Variants in TBL1X observed in about 807,000 individuals in gnomAD.
TBL1X encodes transducin beta like 1 X-linked, also known as F-box-like/WD repeat-containing protein TBL1X.
Under a neutral mutation model 50.7 loss-of-function variants are expected in TBL1X, and 10 were observed. That is an observed-to-expected ratio of 0.20 (90% CI 0.12 to 0.33). The LOEUF is 0.33. Among genes scored for constraint, TBL1X ranks in the 10% least tolerant of loss-of-function variants. The pLI is 1.00. For synonymous variants in TBL1X, 190 were observed against 214.7 expected (o/e 0.88, Z 1.01); for missense variants, 340 against 504.4 (o/e 0.67, Z 3.12).
chrX:9,682,308 G>A (rs2083029957), intron 5 of TBL1X, among the ~76,000 whole-genome samples: 1 of 112,021 alleles, frequency 8.9e-6, no homozygotes, highest in African/African-American at 3.2e-5. Flanking sequence ...CAGGGGCGGA[G>A]GAACCCTTGG....
At chrX:9,631,672 C>T (rs1196363094) in intron 2 of TBL1X, among the ~76,000 whole-genome samples, 1 of 112,657 alleles carries the variant, frequency 8.9e-6, no homozygotes, top group Non-Finnish European at 1.9e-5. Context: ...GTATGTTTTA[C>T]TTTTATACAT....
chrX:9,676,445 A>G (rs1470750840), intron 5 of TBL1X, among the ~76,000 whole-genome samples: 1 of 112,403 alleles, frequency 8.9e-6, no homozygotes, highest in African/African-American at 3.2e-5. Context: ...CCACATCTAG[A>G]GGATATGAAA....
At chrX:9,709,990 C>T (rs1391395558) in intron 15 of TBL1X, among the ~76,000 whole-genome samples, 1 of 111,885 alleles carries the variant, frequency 8.9e-6, no homozygotes, top group Non-Finnish European at 1.9e-5. Flanking sequence ...CCTGGGAGGC[C>T]AAGGCAGGAC....
intron 1 of TBL1X, 111 bp downstream of exon 1, chrX:9,465,558 G>T (rs2081766794): frequency 8.9e-6 from 1 of 111,959 alleles, no homozygotes; most frequent in Non-Finnish European, 1.9e-5. Context: ...GCGCCCGAAC[G>T]CTCCACCCGC....
At chrX:9,701,569 TAAAAAAAAAAAAAAAAAAAAA>T (rs63287561) in intron 12 of TBL1X, among the ~76,000 whole-genome samples, 2 of 47,035 alleles carry the variant, frequency 4.3e-5, no homozygotes, top group Non-Finnish European at 7.2e-5. Context: ...CTTGATGAGC[TAAAAAAAAAAAAAAAAAAAAA>T]AAAAAAGAAG....
chrX:9,638,817 A>G (rs1470170280), intron 2 of TBL1X, among the ~76,000 whole-genome samples: 2 of 111,795 alleles, frequency 1.8e-5, no homozygotes, highest in African/African-American at 6.5e-5. Context: ...TCATAAGGCT[A>G]TTTTTTCCCC....
intron 1 of TBL1X, among the ~76,000 whole-genome samples, chrX:9,481,049 CTG>C (rs1342000968): frequency 1.8e-5 from 2 of 111,598 alleles, no homozygotes; most frequent in African/African-American, 6.5e-5. Flanking sequence ...CAGACCTTAA[CTG>C]TGGCTGTTCT....
chrX:9,694,392 C>T (rs2083118166), intron 11 of TBL1X, among the ~76,000 whole-genome samples: 2 of 111,354 alleles, frequency 1.8e-5, no homozygotes, highest in South Asian at 3.7e-4. Context: ...TCTTGAAGTT[C>T]GAGACCAGCC....
intron 2 of TBL1X, among the ~76,000 whole-genome samples, chrX:9,621,054 G>C (rs953155341): frequency 4.5e-5 from 5 of 111,881 alleles, no homozygotes; most frequent in Non-Finnish European, 1.9e-5. Flanking sequence ...GAGACTACAG[G>C]CTAGAAGAGA....
At chrX:9,586,822 C>T (rs2082472420) in intron 2 of TBL1X, among the ~76,000 whole-genome samples, 2 of 111,522 alleles carry the variant, frequency 1.8e-5, no homozygotes, top group Admixed American at 9.5e-5. Context: ...ATCGTTTGAG[C>T]CCAGGAGGTC....
chrX:9,508,237 A>G (rs1375219998), intron 2 of TBL1X, among the ~76,000 whole-genome samples: 1 of 112,463 alleles, frequency 8.9e-6, no homozygotes, highest in Non-Finnish European at 1.9e-5. Context: ...GAACTTAAAC[A>G]TATTTACAAG....
chrX:9,659,123 G>A (rs1481979122), intron 5 of TBL1X, among the ~76,000 whole-genome samples: 1 of 111,804 alleles, frequency 8.9e-6, no homozygotes, highest in East Asian at 2.8e-4. Context: ...TGCGTTACCT[G>A]GCCAAAAATA....
chrX:9,589,498 C>T (rs1462615734), intron 2 of TBL1X, among the ~76,000 whole-genome samples: 1 of 110,737 alleles, frequency 9.0e-6, no homozygotes, highest in Non-Finnish European at 1.9e-5. Context: ...GGCAAGTTGC[C>T]GCATGGACTG....
chrX:9,660,834 A>G (rs1486070658), intron 5 of TBL1X, among the ~76,000 whole-genome samples: 1 of 112,396 alleles, frequency 8.9e-6, no homozygotes, highest in African/African-American at 3.2e-5. Flanking sequence ...TAAGGAGGAT[A>G]GTTGCTATGG....
At chrX:9,699,037 G>A (rs893900933) in intron 12 of TBL1X, among the ~76,000 whole-genome samples, 1 of 111,837 alleles carries the variant, frequency 8.9e-6, no homozygotes, top group African/African-American at 3.2e-5. Context: ...TTGGAGTGCA[G>A]TGGTGCGATC....
At position 9,717,384 on chromosome X, in the gene TBL1X, CT is replaced by C. The variant is rs2083285570; in HGVS notation, c.*1141del. The C allele has an allele frequency of 8.9e-6, 1 of 112,508 alleles. No homozygotes were observed. 9.3% of individuals were successfully genotyped at this position (112,508 alleles called of 1,213,427 possible). ...AGGCAGGGCCTGAGGGAGCCCCTGGCTTTCCCCTCAGCCTCAGGAAAGGTGG... is the reference window on the plus strand; with the variant it reads ...AGGCAGGGCCTGAGGGAGCCCCTGGCTTCCCCTCAGCCTCAGGAAAGGTGG... On this transcript the variant is annotated 3_prime_UTR_variant, in exon 18 of 18. Transcript: ENST00000645353.
At chrX:9,501,722 A>T (rs1442344872) in intron 1 of TBL1X, 58 bp from the exon 2 acceptor site, 2 of 111,643 alleles carry the variant, frequency 1.8e-5, no homozygotes, top group Non-Finnish European at 3.8e-5. Context: ...TATTATTGAT[A>T]TACTATTATG....
At chrX:9,466,420 G>C (rs1422589433) in intron 1 of TBL1X, among the ~76,000 whole-genome samples, 1 of 112,852 alleles carries the variant, frequency 8.9e-6, no homozygotes, top group Non-Finnish European at 1.9e-5. Context: ...GCAAGGCCTC[G>C]TGTTCCCCCA....
At chrX:9,464,089 G>A (rs754794171), upstream of TBL1X, among the ~76,000 whole-genome samples, 4 of 111,398 alleles carry the variant, frequency 3.6e-5, no homozygotes, top group Admixed American at 1.9e-4. Flanking sequence ...AATATTCAAC[G>A]AGGCTGACCC....
Sources: gnomAD v4.1 joint callset for allele counts (sites outside exome capture counted in the v4.1 genomes callset) on GRCh38, gnomAD v4.1.1 for gene constraint, MANE v1.5 for transcripts, NCBI Gene and HGNC (gene_info 2026-07-23, HGNC 2026-07-21) for gene names.